The following FSCN2 variants were observed in gnomAD, a reference collection of about 807,000 sequenced individuals.
FSCN2 encodes the protein fascin-2.
In FSCN2, 46 loss-of-function variants were observed where a neutral mutation model predicts 37.8. The observed-to-expected ratio is 1.22, with a 90% confidence interval of 0.96 to 1.56. FSCN2 has a LOEUF of 1.56. Ranked by LOEUF, FSCN2 falls within the 40% of genes most tolerant of loss-of-function variation. The pLI, the probability that FSCN2 is intolerant of heterozygous loss-of-function variation, is 0.00. For missense variants in FSCN2, 844 were observed against 730.4 expected (o/e 1.16, Z -1.79); for synonymous variants, 351 against 309.4 (o/e 1.13, Z -1.41).
At chr17:81,525,425 C>CAAAAAAAAAAAAAAAAAAACA (rs1202765459), upstream of FSCN2, among the ~76,000 whole-genome samples, 1 of 47,856 alleles carries the variant, frequency 2.1e-5, no homozygotes, top group Non-Finnish European at 4.2e-5. Context: ...GACTCTGTCT[C>CAAAAAAAAAAAAAAAAAAACA]AAAAAAAAAA....
Position 81,537,086 on chromosome 17 carries a change from C to T in FSCN2, c.*6C>T, listed in dbSNP as rs939200436. 6 of 1,427,026 alleles carry T rather than the reference C, an allele frequency of 4.2e-6. No individual in the cohort carries two copies. The highest frequency in any genetic ancestry group is 1.5e-5 in the African/African-American group (1 of 66,436). The allele number at this position is 1,427,026 out of a possible 1,614,324, so 88.4% of individuals were successfully genotyped here. ...CCGCGCTTTGGGAGTACTGAGGCCGCGCCCAGACCAGCCTGTCGCGCATTA... is the reference window on the plus strand; with the variant it reads ...CCGCGCTTTGGGAGTACTGAGGCCGTGCCCAGACCAGCCTGTCGCGCATTA... On this transcript the variant is annotated 3_prime_UTR_variant, in exon 5 of 5. Transcript: ENST00000417245.
Position 81,536,996 on chromosome 17 carries a change from C to A in FSCN2, c.1395C>A (p.Ser465Arg), listed in dbSNP as rs745327152. Residue 465 changes from serine (S) to arginine (R), a missense_variant, in exon 5 of 5, where the codon AGC becomes AGA. Ser to Arg is a moderately radical substitution (Grantham distance 110). Coordinates refer to ENST00000417245, the MANE Select transcript of FSCN2 (RefSeq NM_012418.4). ...GCCGCCTGGCCATCCGCGCCCGGAGCGGCAAGTACCTGCGCGGCGGCGCCT... is the reference window on the plus strand; with the variant it reads ...GCCGCCTGGCCATCCGCGCCCGGAGAGGCAAGTACCTGCGCGGCGGCGCCT... Reference protein sequence around the residue: ...ERGRLAIRARSGKYLRGGASG... With the variant: ...ERGRLAIRARRGKYLRGGASG... 1 of 1,520,700 alleles carries A rather than the reference C, an allele frequency of 6.6e-7. No individual in the cohort carries two copies. Among genetic ancestry groups the A allele is most frequent in the African/African-American group, 1.4e-5 (1 of 69,854 alleles). The allele number at this position is 1,520,700 out of a possible 1,614,324, so 94.2% of individuals were successfully genotyped here.
chr17:81,520,802 A>G, the FSCN2 span, among the ~76,000 whole-genome samples: 1 of 152,216 alleles, frequency 6.6e-6, no homozygotes, highest in Non-Finnish European at 1.5e-5. Flanking sequence ...ATGCTTTTGC[A>G]TTCATTATCT....
the FSCN2 span, among the ~76,000 whole-genome samples, chr17:81,521,116 G>A: frequency 2.4e-4 from 36 of 152,134 alleles, no homozygotes; most frequent in African/African-American, 8.4e-4. Context: ...TGCCCAGGCT[G>A]GAGTGCAATG....
rs34454351 is a variant in FSCN2 at position 81,528,912 on chromosome 17, G to A, written c.381G>A (p.Pro127=). ...CCTGCTTCGCCACAGCCGTTTCCCC[G>A]GCCGAGCTGTGGACCGTGCACCTGG... The part of the protein sequence containing the change: ...QLSCFATAVS[P]AELWTVHLAI... Residue 127 remains proline, a synonymous_variant, in exon 1 of 5, where the codon CCG becomes CCA. Coordinates refer to ENST00000417245, the MANE Select transcript of FSCN2 (RefSeq NM_012418.4). 4,782 of 1,589,056 alleles carry A rather than the reference G, an allele frequency of 3.0e-3. 146 individuals are homozygous for A. The African/African-American group carries it at 0.057, about 19-fold the overall frequency.
the FSCN2 span, among the ~76,000 whole-genome samples, chr17:81,517,844 C>T: frequency 6.8e-6 from 1 of 146,762 alleles, no homozygotes; most frequent in Admixed American, 7.0e-5. Flanking sequence ...TGGTTCTTAG[C>T]TGCGGTCACA....
the FSCN2 span, among the ~76,000 whole-genome samples, chr17:81,518,737 G>A: frequency 6.6e-6 from 1 of 152,176 alleles, no homozygotes; most frequent in South Asian, 2.1e-4. Flanking sequence ...TCCTGCTCTG[G>A]CCAGCAGCTC....
Position 81,536,858 on chromosome 17 carries a change from G to A in FSCN2, c.1274-17G>A, listed in dbSNP as rs2032899562. 5 of 1,557,740 alleles carry A rather than the reference G, an allele frequency of 3.2e-6. No individual in the cohort carries two copies. The highest frequency in any genetic ancestry group is 3.4e-4 in the Middle Eastern group (2 of 5,904). On this transcript the variant is annotated splice_polypyrimidine_tract_variant and intron_variant, in intron 4 of 4. Transcript: ENST00000417245. The stretch of plus-strand genomic sequence containing the variant: ...CGGGCAGGTGGGCACCCCCGCCGAC[G>A]CCGTCCCGTCCCCCAGGCCGCGACG...
chr17:81,523,178 G>A, the FSCN2 span, among the ~76,000 whole-genome samples: 3 of 152,182 alleles, frequency 2.0e-5, no homozygotes, highest in Non-Finnish European at 4.4e-5. Flanking sequence ...GCAGCCAGCC[G>A]TGAACCCCAA....
At position 81,528,441 on chromosome 17, in the gene FSCN2, C is replaced by A. The variant is rs568546294; in HGVS notation, c.-91C>A. ...CTGGGTCTGGGGGCTGTGGGCCAGC[C>A]GAGCCGACCCGGGCTTCTGGGGGAC... On this transcript the variant is annotated 5_prime_UTR_variant, in exon 1 of 5. Coordinates refer to ENST00000417245, the MANE Select transcript of FSCN2 (RefSeq NM_012418.4). 3.0e-6 allele frequency: 3 copies of A among 993,752 alleles called. No homozygotes were observed. Among genetic ancestry groups the A allele is most frequent in the Admixed American group, 4.5e-5 (2 of 44,264 alleles). 61.6% of individuals were successfully genotyped at this position (993,752 alleles called of 1,614,324 possible).
At chr17:81,523,423 A>G (rs2032262517), upstream of FSCN2, among the ~76,000 whole-genome samples, 1 of 152,216 alleles carries the variant, frequency 6.6e-6, no homozygotes, top group South Asian at 2.1e-4. Context: ...AGCGGAGCCG[A>G]TAGCTCAGCC....
At chr17:81,535,786 TCATCCCCATCTCCAC>T (rs1261321863) in intron 2 of FSCN2, among the ~76,000 whole-genome samples, 1 of 25,330 alleles carries the variant, frequency 3.9e-5, no homozygotes, top group East Asian at 1.4e-3. Context: ...CTCACCATCC[TCATCCCCATCTCCAC>T]CATCCCCATC....
the FSCN2 span, among the ~76,000 whole-genome samples, chr17:81,516,449 C>T: frequency 6.6e-6 from 1 of 152,264 alleles, no homozygotes; most frequent in African/African-American, 2.4e-5. Context: ...CCACCTCCCT[C>T]TTCTCCCACA....
intron 1 of FSCN2, among the ~76,000 whole-genome samples, chr17:81,534,790 C>G (rs2032795904): frequency 6.6e-6 from 1 of 151,594 alleles, no homozygotes; most frequent in Non-Finnish European, 1.5e-5. Flanking sequence ...GGGGGCTGTG[C>G]CAAGCAGAAG....
chr17:81,531,818 G>A (rs2032639759), intron 1 of FSCN2, among the ~76,000 whole-genome samples: 1 of 142,408 alleles, frequency 7.0e-6, no homozygotes, highest in African/African-American at 2.8e-5. Context: ...TGATGGTGGT[G>A]GTGATGGTGG....
chr17:81,528,307 TCCGCCCTCC>T (rs562246909), upstream of FSCN2: 5 of 572,698 alleles, frequency 8.7e-6, no homozygotes, highest in African/African-American at 9.4e-5. Context: ...ACGTCTCTGA[TCCGCCCTCC>T]CCGCCCGCCC....
At chr17:81,516,724 C>T in the FSCN2 span, among the ~76,000 whole-genome samples, 2 of 152,346 alleles carry the variant, frequency 1.3e-5, no homozygotes, top group South Asian at 2.1e-4. Context: ...TGCCCCACTG[C>T]GCAGACTGAA....
chr17:81,519,010 G>C, the FSCN2 span: 5 of 152,224 alleles, frequency 3.3e-5, no homozygotes, highest in African/African-American at 9.6e-5. Flanking sequence ...GGGCACAGCA[G>C]GGCGGGCGTG....
upstream of FSCN2, among the ~76,000 whole-genome samples, chr17:81,525,425 C>CAAAAAAAAAAAAAAAAAAAAAA (rs1202765459): frequency 4.3e-3 from 206 of 47,616 alleles, 5 homozygotes; most frequent in Non-Finnish European, 6.6e-3. Flanking sequence ...GACTCTGTCT[C>CAAAAAAAAAAAAAAAAAAAAAA]AAAAAAAAAA....
Sources: gnomAD v4.1 joint callset for allele counts (sites outside exome capture counted in the v4.1 genomes callset) on GRCh38, gnomAD v4.1.1 for gene constraint, MANE v1.5 for transcripts, NCBI Gene and HGNC (gene_info 2026-07-23, HGNC 2026-07-21) for gene names.